The following MCOLN2 variants were observed in gnomAD, a reference collection of about 807,000 sequenced individuals.
The protein encoded by MCOLN2 is mucolipin TRP cation channel 2, also known as mucolipin-2.
In MCOLN2, 57 loss-of-function variants were observed where a neutral mutation model predicts 67.5. That is an observed-to-expected ratio of 0.84 (90% CI 0.68 to 1.05). The LOEUF (loss-of-function observed/expected upper bound fraction) is 1.05. Among genes scored for constraint, MCOLN2 ranks in the 50% least tolerant of loss-of-function variants. The pLI, the probability that MCOLN2 is intolerant of heterozygous loss-of-function variation, is 0.00. For missense variants in MCOLN2, 620 were observed against 678.8 expected (o/e 0.91, Z 0.96); for synonymous variants, 246 against 233.3 (o/e 1.05, Z -0.50).
intron 1 of MCOLN2, among the ~76,000 whole-genome samples, chr1:84,979,549 T>G (rs1226900558): frequency 1.3e-5 from 2 of 152,224 alleles, no homozygotes; most frequent in Non-Finnish European, 2.9e-5. Context: ...TGATGCATCA[T>G]ATTAACAGAA....
intron 1 of MCOLN2, among the ~76,000 whole-genome samples, chr1:84,977,123 A>G (rs662948): frequency 0.49 from 74,379 of 151,558 alleles, 18,461 homozygotes; most frequent in East Asian, 0.64. Flanking sequence ...TAGAGTTTTT[A>G]TTAGTTATTT....
At chr1:84,950,556 G>A (rs901118302) in intron 6 of MCOLN2, among the ~76,000 whole-genome samples, 3 of 152,156 alleles carry the variant, frequency 2.0e-5, no homozygotes, top group Non-Finnish European at 4.4e-5. Flanking sequence ...AACTTAAGAT[G>A]TCCAAATGCC....
chr1:84,997,100 A>C lies in MCOLN2; in HGVS notation c.-228T>G, dbSNP rs1651200211. On this transcript the variant is annotated 5_prime_UTR_variant, in exon 1 of 14. Transcript: ENST00000370608. The stretch of plus-strand genomic sequence containing the variant: ...GGCGGGCAGTTCTCGGGCGGCTGAA[A>C]GGCGGCTCTGTGTGCACCCTGCAGG... The C allele has an allele frequency of 1.8e-6, 1 of 566,002 alleles. No individual in the cohort carries two copies. The highest frequency in any genetic ancestry group is 3.1e-6 in the Non-Finnish European group (1 of 319,838). The allele number at this position is 566,002 out of a possible 1,614,324, so 35.1% of individuals were successfully genotyped here.
At chr1:84,949,715 T>C (rs1449912333) in intron 6 of MCOLN2, among the ~76,000 whole-genome samples, 1 of 151,738 alleles carries the variant, frequency 6.6e-6, no homozygotes, top group Non-Finnish European at 1.5e-5. Context: ...TCCATTAGAC[T>C]ATCAGAACAT....
rs1283440287 is a variant in MCOLN2, at chr1:84,987,462, G to GTA, written c.77+9332_77+9333dup. ...TAGATATATACATATATACATATAT[G>GTA]TATATATAGATATATATACATATAT... is the stretch of plus-strand genomic sequence containing the variant. On this transcript the variant is annotated intron_variant, in intron 1 of 13. Transcript: ENST00000370608. Among the ~76,000 whole-genome samples the GTA allele has an allele frequency of 2.7e-4, 22 of 82,180 alleles. No individual in the cohort carries two copies. In the South Asian group the frequency reaches 7.5e-3, roughly 28 times the overall value. 53.9% of individuals were successfully genotyped at this position (82,180 alleles called of 152,430 possible).
intron 1 of MCOLN2, among the ~76,000 whole-genome samples, chr1:84,983,826 G>A (rs1475511270): frequency 6.6e-6 from 1 of 151,452 alleles, no homozygotes; most frequent in African/African-American, 2.4e-5. Flanking sequence ...ACAGGCGCAC[G>A]CCTCCACGCT....
chr1:84,949,361 G>A lies in MCOLN2; in HGVS notation c.748-2229C>T, dbSNP rs114042926. On this transcript the variant is annotated intron_variant, in intron 6 of 13. Coordinates refer to ENST00000370608, the MANE Select transcript of MCOLN2 (RefSeq NM_153259.4). ...CAATTCTAAAAGCTGCAAATAGGCC[G>A]GGCGCGGTGGCTCACGCCTGTAATC... Among the ~76,000 whole-genome samples the A allele has an allele frequency of 8.4e-3, 1,285 of 152,286 alleles. 16 individuals are homozygous for A. Among genetic ancestry groups the A allele is most frequent in the African/African-American group, 0.03 (1,234 of 41,564 alleles).
intron 1 of MCOLN2, among the ~76,000 whole-genome samples, chr1:84,982,050 C>A (rs1650283464): frequency 6.8e-6 from 1 of 146,006 alleles, no homozygotes; most frequent in Admixed American, 6.8e-5. Flanking sequence ...GGAGAGCTAA[C>A]ACTCTAAATG....
intron 2 of MCOLN2, among the ~76,000 whole-genome samples, chr1:84,959,729 T>C (rs1031028928): frequency 5.3e-5 from 8 of 152,180 alleles, no homozygotes; most frequent in African/African-American, 1.9e-4. Flanking sequence ...GAAAGTTTGC[T>C]CCAAGTCCTC....
At chr1:84,926,930 T>C (rs1358954092) in intron 13 of MCOLN2, among the ~76,000 whole-genome samples, 2 of 152,004 alleles carry the variant, frequency 1.3e-5, no homozygotes, top group African/African-American at 2.4e-5. Context: ...AAAGGCAATG[T>C]ACACTGTTTG....
rs571044835 is a variant in MCOLN2, at chr1:84,987,331, T to C, written c.77+9465A>G. On this transcript the variant is annotated intron_variant, in intron 1 of 13. Coordinates refer to ENST00000370608, the MANE Select transcript of MCOLN2 (RefSeq NM_153259.4). The stretch of plus-strand genomic sequence containing the variant: ...ATACATCTATATGTATATAGATATA[T>C]AGATATATGTATATAGATATATGTA... Among the ~76,000 whole-genome samples, 15 of 144,488 alleles carry C rather than the reference T, an allele frequency of 1.0e-4. No individual in the cohort carries two copies. In the East Asian group the frequency reaches 3.0e-3, roughly 29 times the overall value. The allele number at this position is 144,488 out of a possible 152,430, so 94.8% of individuals were successfully genotyped here.
intron 4 of MCOLN2, among the ~76,000 whole-genome samples, chr1:84,954,991 T>C (rs530686004): frequency 6.6e-6 from 1 of 152,322 alleles, no homozygotes; most frequent in African/African-American, 2.4e-5. Context: ...GAATTGTAGT[T>C]TCCATAATCC....
At chr1:84,949,458 G>A (rs752881116) in intron 6 of MCOLN2, among the ~76,000 whole-genome samples, 6 of 151,896 alleles carry the variant, frequency 4.0e-5, no homozygotes, top group Non-Finnish European at 8.8e-5. Flanking sequence ...CTAACACGGT[G>A]AAACCTCGTC....
chr1:84,956,360 T>C (rs1275608358), intron 4 of MCOLN2, 71 bp downstream of exon 4: 1 of 1,508,064 alleles, frequency 6.6e-7, no homozygotes, highest in Non-Finnish European at 9.0e-7. Context: ...TCTGGGTTGC[T>C]AGCACATGAG....
intron 2 of MCOLN2, among the ~76,000 whole-genome samples, chr1:84,963,258 T>G (rs1015996201): frequency 1.1e-4 from 16 of 152,198 alleles, no homozygotes; most frequent in Non-Finnish European, 2.1e-4. Flanking sequence ...TTATTGTGCC[T>G]AGGACATGGC....
intron 1 of MCOLN2, among the ~76,000 whole-genome samples, chr1:84,976,273 G>A (rs1366720107): frequency 1.4e-5 from 2 of 144,454 alleles, no homozygotes; most frequent in African/African-American, 5.2e-5. Flanking sequence ...GTTAAAGAAT[G>A]GATCCTAAAA....
chr1:84,950,931 A>G (rs185536360), intron 6 of MCOLN2, among the ~76,000 whole-genome samples: 22 of 152,350 alleles, frequency 1.4e-4, no homozygotes, highest in Admixed American at 9.1e-4. Flanking sequence ...TCCAAAGAAC[A>G]AAATAAAAAT....
At chr1:84,959,711 T>C (rs530495919) in intron 2 of MCOLN2, among the ~76,000 whole-genome samples, 34 of 152,250 alleles carry the variant, frequency 2.2e-4, no homozygotes, top group African/African-American at 7.9e-4. Context: ...TATAAAACAA[T>C]GAGACTAGAA....
At chr1:84,988,702 A>G (rs553621567) in intron 1 of MCOLN2, among the ~76,000 whole-genome samples, 1 of 152,228 alleles carries the variant, frequency 6.6e-6, no homozygotes, top group South Asian at 2.1e-4. Context: ...GTAATTTTAA[A>G]AGCATAAGTC....
Sources: allele counts gnomAD v4.1 joint callset (sites outside exome capture counted in the v4.1 genomes callset), GRCh38; gene constraint gnomAD v4.1.1; transcripts MANE v1.5; gene names NCBI Gene and HGNC (gene_info 2026-07-23, HGNC 2026-07-21).